The following TRIO variants were observed in gnomAD, a reference collection of about 807,000 sequenced individuals.
The protein encoded by TRIO is trio Rho guanine nucleotide exchange factor, also known as triple functional domain protein.
Under a neutral mutation model 351.9 loss-of-function variants are expected in TRIO, and 58 were observed. The observed-to-expected ratio is 0.16, with a 90% CI of 0.13 to 0.21. The LOEUF (loss-of-function observed/expected upper bound fraction) is 0.21. TRIO is among the 10% of genes least tolerant of loss of function. TRIO has a pLI of 1.00. For synonymous variants in TRIO, 1,758 were observed against 1,595.7 expected (o/e 1.10, Z -2.42); for missense variants, 3,201 against 4,027.8 (o/e 0.79, Z 5.56).
Position 14,498,553 on chromosome 5 carries a change from G to A in TRIO, c.8245G>A (p.Val2749Met), listed in dbSNP as rs143848658. Residue 2749 changes from valine to methionine, a missense_variant, in exon 53 of 57, where the codon GTG (valine) becomes ATG (methionine). Around this residue, in one of 19 missense-constraint regions of TRIO, gnomAD observed 1,089 missense variants for 954.9 expected, o/e 1.14. Coordinates refer to ENST00000344204, the MANE Select transcript of TRIO (RefSeq NM_007118.4). ...AGAGGCCACGCTGAAGATTGTGGGC[G>A]TGACCACGGAAGATGACGGCATCTA... The part of the protein sequence containing the change: ...LGEATLKIVG[V>M]TTEDDGIYTC... 1.6e-5 allele frequency: 26 copies of A among 1,613,806 alleles called. No individual in the cohort carries two copies. Among genetic ancestry groups the A allele is most frequent in the Admixed American group, 6.7e-5 (4 of 59,986 alleles).
At position 14,509,433 on chromosome 5, in the gene TRIO, C is replaced by T. The variant is rs1425828245; in HGVS notation, c.*1011C>T. The T allele has an allele frequency of 4.3e-6, 2 of 469,930 alleles. No individual in the cohort carries two copies. Among genetic ancestry groups the T allele is most frequent in the South Asian group, 1.5e-5 (1 of 65,458 alleles). The allele number at this position is 469,930 out of a possible 1,614,324, so 29.1% of individuals were successfully genotyped here. ...GGGTAGGGTCGTAGCCCTGTGCCAT[C>T]GGTTCAAAGAGACTTTTCGTGAAAT... is the stretch of plus-strand genomic sequence containing the variant. On this transcript the variant is annotated 3_prime_UTR_variant, in exon 57 of 57. Transcript: ENST00000344204.
chr5:14,246,208 A>G (rs937647486), intron 1 of TRIO, among the ~76,000 whole-genome samples: 2 of 152,238 alleles, frequency 1.3e-5, no homozygotes, highest in East Asian at 1.9e-4. Flanking sequence ...GATAGAAAAT[A>G]AAACATAATT....
intron 1 of TRIO, among the ~76,000 whole-genome samples, chr5:14,231,970 T>TA (rs367670437): frequency 6.6e-5 from 10 of 152,166 alleles, no homozygotes; most frequent in African/African-American, 2.4e-4. Flanking sequence ...TTAAAGGTGT[T>TA]AAAGTCTACT....
At chr5:14,433,429 G>T (rs1751338682) in intron 34 of TRIO, among the ~76,000 whole-genome samples, 1 of 152,312 alleles carries the variant, frequency 6.6e-6, no homozygotes, top group South Asian at 2.1e-4. Context: ...CTCTGAACAG[G>T]AGTATCTTTG....
At chr5:14,304,318 A>T in intron 7 of TRIO, 143 bp from the exon 8 acceptor site, 1 of 796,450 alleles carries the variant, frequency 1.3e-6, no homozygotes, top group Non-Finnish European at 1.9e-6. Context: ...TGAGTTGAGG[A>T]TGCCATTTGA....
At chr5:14,343,543 A>G (rs62344979) in intron 11 of TRIO, among the ~76,000 whole-genome samples, 1 of 152,048 alleles carries the variant, frequency 6.6e-6, no homozygotes, top group African/African-American at 2.4e-5. Flanking sequence ...TTTTTAACTC[A>G]GCACAATTCC....
At chr5:14,474,202 T>A in intron 40 of TRIO, 105 bp downstream of exon 40, 2 of 1,083,746 alleles carry the variant, frequency 1.8e-6, no homozygotes, top group Non-Finnish European at 2.7e-6. Flanking sequence ...GTATTACCTG[T>A]GTAGCCTCCT....
At chr5:14,326,826 A>C (rs370204085) in intron 9 of TRIO, among the ~76,000 whole-genome samples, 2 of 152,358 alleles carry the variant, frequency 1.3e-5, no homozygotes, top group East Asian at 1.9e-4. Flanking sequence ...ATATTGACTC[A>C]GGATCACTGG....
In TRIO at chr5:14,267,775, T is replaced by TA. The variant is rs533305937; in HGVS notation, c.158-3047dup. Among the ~76,000 whole-genome samples the TA allele has an allele frequency of 8.9e-4, 135 of 152,160 alleles. 3 individuals carry two copies. Among genetic ancestry groups the TA allele is most frequent in the African/African-American group, 3.2e-3 (133 of 41,506 alleles). ...GTTCTTTGCTTATTGGTTTTTTTTT[T>TA]AAATGGAAATGAGATCTAAAATAAT... On this transcript the variant is annotated intron_variant, in intron 1 of 56. Coordinates refer to ENST00000344204, the MANE Select transcript of TRIO (RefSeq NM_007118.4).
At chr5:14,150,921 C>T (rs1216032202) in intron 1 of TRIO, among the ~76,000 whole-genome samples, 2 of 152,096 alleles carry the variant, frequency 1.3e-5, no homozygotes, top group Non-Finnish European at 2.9e-5. Context: ...ATTTGGAAAT[C>T]CATCTGGTGT....
chr5:14,240,015 A>G (rs1375717039), intron 1 of TRIO, among the ~76,000 whole-genome samples: 1 of 152,222 alleles, frequency 6.6e-6, no homozygotes, highest in African/African-American at 2.4e-5. Flanking sequence ...ATCATCCCCC[A>G]GGTTTCCCTG....
intron 37 of TRIO, 166 bp downstream of exon 37, chr5:14,465,806 G>A (rs1168350748): frequency 5.9e-6 from 4 of 677,860 alleles, no homozygotes; most frequent in Admixed American, 4.9e-5. Flanking sequence ...TGATTTGAAG[G>A]ACTCAGAGAA....
At chr5:14,289,067 G>A (rs905158647) in intron 4 of TRIO, among the ~76,000 whole-genome samples, 1 of 151,814 alleles carries the variant, frequency 6.6e-6, no homozygotes, top group African/African-American at 2.4e-5. Context: ...CTTAGCAAGA[G>A]CCTGTCTCTA....
chr5:14,290,494 G>A (rs974441766), intron 4 of TRIO, among the ~76,000 whole-genome samples: 1 of 152,122 alleles, frequency 6.6e-6, no homozygotes, highest in African/African-American at 2.4e-5. Context: ...GGGTATTCCA[G>A]CTGACATATA....
At chr5:14,255,244 G>T (rs774062236) in intron 1 of TRIO, among the ~76,000 whole-genome samples, 1 of 152,188 alleles carries the variant, frequency 6.6e-6, no homozygotes, top group Non-Finnish European at 1.5e-5. Context: ...ATAAACTTGG[G>T]AAAGTGCGTA....
Position 14,444,882 on chromosome 5 carries a change from C to A in TRIO, c.5204-16137C>A, listed in dbSNP as rs377225966. On this transcript the variant is annotated intron_variant, in intron 34 of 56. Transcript: ENST00000344204. Reference sequence around the variant, plus strand: ...TAATATTAAAATTAGACTGAAACCTCCCCCAAAAAGTGCCCAAGAAACCCA... The same window carrying A: ...TAATATTAAAATTAGACTGAAACCTACCCCAAAAAGTGCCCAAGAAACCCA... Among the ~76,000 whole-genome samples the A allele has an allele frequency of 2.6e-5, 4 of 152,214 alleles. No individual in the cohort carries two copies. In the East Asian group the frequency reaches 7.7e-4, roughly 29 times the overall value.
chr5:14,464,562 G>A lies in TRIO; in HGVS notation c.5668-983G>A, dbSNP rs1037221556. 5.9e-5 allele frequency among the ~76,000 whole-genome samples: 9 copies of A among 152,010 alleles called. No individual in the cohort carries two copies. Among genetic ancestry groups the A allele is most frequent in the Middle Eastern group, 3.4e-3 (1 of 294 alleles). ...TTTGGCTCAATTTCCTTACCTTTCC[G>A]TTTGAATTTTTTTCTTTGTTTTCTT... On this transcript the variant is annotated intron_variant, in intron 36 of 56. Coordinates refer to ENST00000344204, the MANE Select transcript of TRIO (RefSeq NM_007118.4).
chr5:14,315,378 G>A (rs1013249642), intron 8 of TRIO, among the ~76,000 whole-genome samples: 1 of 151,366 alleles, frequency 6.6e-6, no homozygotes, highest in Non-Finnish European at 1.5e-5. Flanking sequence ...TCAGCCTCCC[G>A]AGTAGCTGGG....
Position 14,490,173 on chromosome 5 carries a change from G to A in TRIO, c.7632+1913G>A, listed in dbSNP as rs185145674. Among the ~76,000 whole-genome samples, 851 of 152,318 alleles carry A rather than the reference G, an allele frequency of 5.6e-3. 9 individuals carry two copies. The highest frequency in any genetic ancestry group is 0.019 in the African/African-American group (791 of 41,552). On this transcript the variant is annotated intron_variant, in intron 48 of 56. Coordinates refer to ENST00000344204, the MANE Select transcript of TRIO (RefSeq NM_007118.4). Reference sequence around the variant, plus strand: ...ACGCACCTATAGTCCCAGCTACTTGGGAGGCTGAGGCAGGAGAATCGCTTG... The same window carrying A: ...ACGCACCTATAGTCCCAGCTACTTGAGAGGCTGAGGCAGGAGAATCGCTTG...
Sources: gnomAD v4.1 joint callset for allele counts (sites outside exome capture counted in the v4.1 genomes callset) on GRCh38, gnomAD v4.1.1 for gene constraint, gnomAD v4.1.1 regional missense constraint, MANE v1.5 for transcripts, NCBI Gene and HGNC (gene_info 2026-07-23, HGNC 2026-07-21) for gene names.